Variants in MYO9B observed in about 807,000 individuals in gnomAD.
MYO9B encodes myosin IXB.
A neutral mutation model predicts 229.5 loss-of-function variants in MYO9B; 71 were observed. The observed-to-expected ratio is 0.31, with a 90% CI of 0.26 to 0.38. The LOEUF (loss-of-function observed/expected upper bound fraction) is 0.38, where lower values mean the gene tolerates loss of function less well. MYO9B is among the 10% of genes least tolerant of loss of function. MYO9B has a pLI of 1.00. For missense variants in MYO9B, 2,255 were observed against 2,920.5 expected (o/e 0.77, Z 5.25); for synonymous variants, 1,185 against 1,235.8 (o/e 0.96, Z 0.86).
At chr19:17,106,851 T>C (rs2057797013) in intron 2 of MYO9B, among the ~76,000 whole-genome samples, 2 of 152,068 alleles carry the variant, frequency 1.3e-5, no homozygotes, top group African/African-American at 4.8e-5. Flanking sequence ...TCACCTGAGG[T>C]CAAGAGTTCG....
intron 1 of MYO9B, among the ~76,000 whole-genome samples, chr19:17,100,961 T>C (rs1005584079): frequency 6.0e-5 from 9 of 150,778 alleles, no homozygotes; most frequent in Non-Finnish European, 1.3e-4. Context: ...TGGGGCCGAG[T>C]CGTCTTCTGC....
intron 39 of MYO9B, 30 bp from the exon 40 acceptor site, chr19:17,211,865 G>A: frequency 3.1e-6 from 5 of 1,597,706 alleles, no homozygotes; most frequent in Admixed American, 1.7e-5. Flanking sequence ...CCCTGAAGCT[G>A]CAGTAACCCT....
In MYO9B at chr19:17,209,717, C is replaced by T. The variant is rs907972789; in HGVS notation, c.5748+8C>T. 4 of 1,613,568 alleles carry T rather than the reference C, an allele frequency of 2.5e-6. No individual in the cohort carries two copies. Among genetic ancestry groups the T allele is most frequent in the Non-Finnish European group, 3.4e-6 (4 of 1,179,704 alleles). ...CTCCTGCGACAAAATGCTGTGAGTACCGGTGATCGTGGGGGCGGGACCTCT... is the reference window on the plus strand; with the variant it reads ...CTCCTGCGACAAAATGCTGTGAGTATCGGTGATCGTGGGGGCGGGACCTCT... On this transcript the variant is annotated splice_region_variant and intron_variant, in intron 36 of 39. Coordinates refer to ENST00000682292, the MANE Select transcript of MYO9B (RefSeq NM_004145.4).
intron 2 of MYO9B, among the ~76,000 whole-genome samples, chr19:17,142,470 T>A (rs1023400924): frequency 2.0e-5 from 3 of 151,620 alleles, no homozygotes; most frequent in Non-Finnish European, 4.4e-5. Context: ...TTTACGCCAA[T>A]TTTTTTTTAA....
chr19:17,173,365 C>T (rs539463072), intron 13 of MYO9B, among the ~76,000 whole-genome samples: 9 of 143,924 alleles, frequency 6.3e-5, no homozygotes, highest in African/African-American at 1.6e-4. Context: ...AGTGTAATGA[C>T]GCAATCTCGG....
intron 2 of MYO9B, among the ~76,000 whole-genome samples, chr19:17,108,058 G>A (rs896931593): frequency 6.6e-5 from 10 of 152,114 alleles, no homozygotes; most frequent in African/African-American, 1.9e-4. Context: ...CCTGGGGACC[G>A]GTAGTTCCTC....
chr19:17,114,649 A>G (rs1443387671), intron 2 of MYO9B, among the ~76,000 whole-genome samples: 2 of 152,096 alleles, frequency 1.3e-5, no homozygotes, highest in South Asian at 2.1e-4. Flanking sequence ...TTGCAAAGGA[A>G]TGTAATCAAA....
intron 1 of MYO9B, among the ~76,000 whole-genome samples, chr19:17,081,250 A>G (rs1187845471): frequency 6.6e-6 from 1 of 151,746 alleles, no homozygotes; most frequent in Non-Finnish European, 1.5e-5. Context: ...CTGGTCTTAA[A>G]CTCCTGACAT....
Position 17,191,439 on chromosome 19 carries a change from C to T in MYO9B, c.2811+220C>T, listed in dbSNP as rs7252300. Among the ~76,000 whole-genome samples the T allele has an allele frequency of 5.2e-3, 791 of 152,274 alleles. 4 individuals carry two copies. The highest frequency in any genetic ancestry group is 0.018 in the African/African-American group (737 of 41,556). ...CAGCAGGGCTCAGCGACTCCCTCCG[C>T]GTCACCTGTTTATTGCTGCCTCACA... On this transcript the variant is annotated intron_variant, in intron 20 of 39. Coordinates refer to ENST00000682292, the MANE Select transcript of MYO9B (RefSeq NM_004145.4).
At chr19:17,098,016 C>G (rs573978647) in intron 1 of MYO9B, among the ~76,000 whole-genome samples, 1 of 151,302 alleles carries the variant, frequency 6.6e-6, no homozygotes, top group Non-Finnish European at 1.5e-5. Context: ...CTACTCACCT[C>G]GTGAACGAAC....
At position 17,149,538 on chromosome 19, in the gene MYO9B, C is replaced by T. The variant is rs557730947; in HGVS notation, c.936-3106C>T. Among the ~76,000 whole-genome samples, 10 of 152,356 alleles carry T rather than the reference C, an allele frequency of 6.6e-5. No individual in the cohort carries two copies. The East Asian group carries it at 1.7e-3, about 26-fold the overall frequency. On this transcript the variant is annotated intron_variant, in intron 3 of 39. Transcript: ENST00000682292. ...CCTGCCTCCACCCACAACCTCAGGA[C>T]TGTGGCCATCCTCGCCCCAGGGAGG...
Position 17,172,198 on chromosome 19 carries a change from A to C in MYO9B, c.1794-138A>C, listed in dbSNP as rs2072732197. The C allele has an allele frequency of 3.6e-6, 4 of 1,098,044 alleles. No homozygotes were observed. In the Admixed American group the frequency reaches 1.0e-4, roughly 27 times the overall value. 68.0% of individuals were successfully genotyped at this position (1,098,044 alleles called of 1,614,324 possible). A position where few individuals can be genotyped will look rare whatever the true frequency, so the allele number is the denominator to read the frequency against. ...CTCCTTCACCCACCCCTCTGTGCACAGAGCCCTGTGCCACTTCACTGCTCT... is the reference window on the plus strand; with the variant it reads ...CTCCTTCACCCACCCCTCTGTGCACCGAGCCCTGTGCCACTTCACTGCTCT... On this transcript the variant is annotated intron_variant, in intron 11 of 39. Coordinates refer to ENST00000682292, the MANE Select transcript of MYO9B (RefSeq NM_004145.4). This position sits in a 1 kb window ranked among gnomAD's most constrained non-coding sequence, Gnocchi z 8.2.
chr19:17,183,457 G>A (rs577375048), intron 15 of MYO9B, among the ~76,000 whole-genome samples: 2 of 152,306 alleles, frequency 1.3e-5, no homozygotes, highest in African/African-American at 2.4e-5. Context: ...TGATCTGGGG[G>A]ATATGTCAGT....
At position 17,154,542 on chromosome 19, in the gene MYO9B, C is replaced by T. The variant is rs911458443; in HGVS notation, c.1199+127C>T. The T allele has an allele frequency of 2.9e-5, 18 of 625,516 alleles. 1 individual carries two copies. Among genetic ancestry groups the T allele is most frequent in the South Asian group, 1.2e-4 (5 of 40,828 alleles). 38.7% of individuals were successfully genotyped at this position (625,516 alleles called of 1,614,324 possible). A position where few individuals can be genotyped will look rare whatever the true frequency, so the allele number is the denominator to read the frequency against. On this transcript the variant is annotated intron_variant, in intron 6 of 39. Transcript: ENST00000682292. ...AGGCAGGCAGTGTCCTGAACAGTGC[C>T]GCCATAGGGAGTGTGGCCCAATAGC... is the stretch of plus-strand genomic sequence containing the variant.
intron 1 of MYO9B, among the ~76,000 whole-genome samples, chr19:17,079,889 C>T (rs1314205584): frequency 6.6e-6 from 1 of 152,216 alleles, no homozygotes; most frequent in Non-Finnish European, 1.5e-5. Context: ...CTCGTGGTCC[C>T]TGGAGTGGCA....
intron 1 of MYO9B, among the ~76,000 whole-genome samples, chr19:17,085,704 C>T (rs2057575957): frequency 6.6e-6 from 1 of 151,370 alleles, no homozygotes; most frequent in Non-Finnish European, 1.5e-5. Flanking sequence ...TGTGGACTTG[C>T]ACCTGTAGTC....
chr19:17,108,088 C>T (rs2145060841), intron 2 of MYO9B, among the ~76,000 whole-genome samples: 1 of 152,298 alleles, frequency 6.6e-6, no homozygotes, highest in East Asian at 1.9e-4. Context: ...CAGCAAAGCT[C>T]CCTCCAGCCT....
chr19:17,119,490 C>G (rs895851987), intron 2 of MYO9B, among the ~76,000 whole-genome samples: 4 of 152,072 alleles, frequency 2.6e-5, no homozygotes, highest in Non-Finnish European at 2.9e-5. Context: ...GGAGCCTGGG[C>G]GGTCCTCCTA....
At chr19:17,144,956 C>A (rs938634558) in intron 2 of MYO9B, among the ~76,000 whole-genome samples, 1 of 131,784 alleles carries the variant, frequency 7.6e-6, no homozygotes, top group African/African-American at 2.8e-5. Context: ...GGCAACAGAG[C>A]GAGACTTCAT....
Sources: gnomAD v4.1 joint callset for allele counts (sites outside exome capture counted in the v4.1 genomes callset) on GRCh38, gnomAD v4.1.1 for gene constraint, Gnocchi (gnomAD v3.1) non-coding constraint, MANE v1.5 for transcripts, NCBI Gene and HGNC (gene_info 2026-07-23, HGNC 2026-07-21) for gene names.